Variants in WWOX observed in about 807,000 individuals in gnomAD.
WWOX encodes the protein WW domain-containing oxidoreductase.
Under a neutral mutation model 46.2 loss-of-function variants are expected in WWOX, and 69 were observed. The ratio of observed to expected loss-of-function variants is 1.49; its 90% CI spans 1.23 to 1.82. The LOEUF is 1.82. WWOX is among the 40% of genes most tolerant of loss of function. The probability of loss-of-function intolerance (pLI) is 0.00; values close to 1 mark genes in which losing one functional copy is unlikely to be tolerated. For synonymous variants in WWOX, 359 were observed against 202.6 expected (o/e 1.77, Z -6.56); for missense variants, 919 against 542.6 (o/e 1.69, Z -6.89).
intron 8 of WWOX, among the ~76,000 whole-genome samples, chr16:78,745,823 G>C (rs954224216): frequency 6.6e-6 from 1 of 151,634 alleles, no homozygotes; most frequent in Non-Finnish European, 1.5e-5. Context: ...TAGAGGGCTA[G>C]TTTACAGATA....
chr16:78,950,138 A>C (rs957681157), intron 8 of WWOX, among the ~76,000 whole-genome samples: 5 of 152,160 alleles, frequency 3.3e-5, no homozygotes, highest in African/African-American at 1.2e-4. Flanking sequence ...TTTTGGTTCA[A>C]AAAGAGAGTA....
chr16:79,168,454 C>G (rs1042789117), intron 8 of WWOX, among the ~76,000 whole-genome samples: 4 of 152,142 alleles, frequency 2.6e-5, no homozygotes, highest in African/African-American at 9.7e-5. Flanking sequence ...AATCAACCCC[C>G]AGGGACTTAC....
At chr16:78,312,211 T>G (rs13332536) in intron 5 of WWOX, among the ~76,000 whole-genome samples, 16,358 of 152,068 alleles carry the variant, frequency 0.11, 952 homozygotes, top group East Asian at 0.19. Flanking sequence ...TCTGCAACCT[T>G]AATTCATATA....
intron 8 of WWOX, among the ~76,000 whole-genome samples, chr16:78,648,659 C>G (rs1376021860): frequency 1.3e-5 from 2 of 152,162 alleles, no homozygotes; most frequent in Non-Finnish European, 2.9e-5. Flanking sequence ...TACAGGATGT[C>G]CTGGTCTAGG....
intron 4 of WWOX, among the ~76,000 whole-genome samples, chr16:78,121,087 C>T (rs940668738): frequency 2.6e-5 from 4 of 151,960 alleles, no homozygotes; most frequent in African/African-American, 9.7e-5. Flanking sequence ...GAGATCATTG[C>T]ACTTGGGATC....
At position 78,943,777 on chromosome 16, in the gene WWOX, A is replaced by C. The variant is rs564899426; in HGVS notation, c.1057-267831A>C. Among the ~76,000 whole-genome samples the C allele has an allele frequency of 1.0e-3, 154 of 152,200 alleles. 1 individual carries two copies. The highest frequency in any genetic ancestry group is 3.5e-3 in the African/African-American group (145 of 41,518). On this transcript the variant is annotated intron_variant, in intron 8 of 8. Coordinates refer to ENST00000566780, the MANE Select transcript of WWOX (RefSeq NM_016373.4). ...CCTGCAACTCCTTCTGGATCCCACAATTTGAAGGGGAAATCTTTCCCACCG... is the reference window on the plus strand; with the variant it reads ...CCTGCAACTCCTTCTGGATCCCACACTTTGAAGGGGAAATCTTTCCCACCG...
In WWOX at chr16:78,589,681, G is replaced by C. The variant is rs2045305373; in HGVS notation, c.1056+156929G>C. Among the ~76,000 whole-genome samples, 4 of 152,172 alleles carry C rather than the reference G, an allele frequency of 2.6e-5. No homozygotes were observed. The South Asian group carries it at 8.3e-4, about 32-fold the overall frequency. On this transcript the variant is annotated intron_variant, in intron 8 of 8. Coordinates refer to ENST00000566780, the MANE Select transcript of WWOX (RefSeq NM_016373.4). ...AATTGGGTGATAAAATACCTGGATT[G>C]CATCTAAAAATAAAGACTTGTGAAG...
intron 1 of WWOX, among the ~76,000 whole-genome samples, chr16:78,104,781 A>T (rs185717527): frequency 0.025 from 3,726 of 149,184 alleles, 58 homozygotes; most frequent in Middle Eastern, 0.041. Flanking sequence ...TATATTTATT[A>T]AAAAAAAGTC....
chr16:78,662,825 G>C (rs2047248831), intron 8 of WWOX, among the ~76,000 whole-genome samples: 1 of 152,062 alleles, frequency 6.6e-6, no homozygotes, highest in South Asian at 2.1e-4. Context: ...CAGCTTTTTG[G>C]CTGTTGGTTG....
chr16:78,942,365 C>G (rs150687652), intron 8 of WWOX, among the ~76,000 whole-genome samples: 157 of 152,092 alleles, frequency 1.0e-3, no homozygotes, highest in African/African-American at 3.5e-3. Context: ...CGCAGCCTAC[C>G]CCTTGCATAT....
intron 8 of WWOX, among the ~76,000 whole-genome samples, chr16:78,563,237 G>A (rs1218543326): frequency 6.6e-6 from 1 of 152,120 alleles, no homozygotes; most frequent in Non-Finnish European, 1.5e-5. Flanking sequence ...AAAACACTTT[G>A]ACAATACTTT....
At chr16:78,388,629 G>A (rs1438029581) in intron 6 of WWOX, among the ~76,000 whole-genome samples, 15 of 121,878 alleles carry the variant, frequency 1.2e-4, no homozygotes, top group African/African-American at 5.0e-4. Context: ...CCTGGCGACA[G>A]ATTGAGACTC....
intron 6 of WWOX, among the ~76,000 whole-genome samples, chr16:78,391,282 T>A (rs1038958784): frequency 6.6e-6 from 1 of 152,220 alleles, no homozygotes; most frequent in African/African-American, 2.4e-5. Flanking sequence ...TTGTTTGTTT[T>A]ATGCAAGGCA....
chr16:78,829,619 T>C (rs2051759996), intron 8 of WWOX, among the ~76,000 whole-genome samples: 1 of 152,126 alleles, frequency 6.6e-6, no homozygotes, highest in African/African-American at 2.4e-5. Flanking sequence ...ATATAGTCAA[T>C]CATCACACCT....
rs1597276358 is a variant in WWOX at position 79,013,095 on chromosome 16, G to A, written c.1057-198513G>A. On this transcript the variant is annotated intron_variant, in intron 8 of 8. Transcript: ENST00000566780. Reference sequence around the variant, plus strand: ...CAAAAAAAGGAAATGCTACCAGTGAGCAGGAAGTTGGTGGTCCTCCAGAAT... The same window carrying A: ...CAAAAAAAGGAAATGCTACCAGTGAACAGGAAGTTGGTGGTCCTCCAGAAT... Among the ~76,000 whole-genome samples the A allele has an allele frequency of 2.0e-5, 3 of 152,324 alleles. No homozygotes were observed. The East Asian group carries it at 5.8e-4, about 29-fold the overall frequency.
intron 5 of WWOX, among the ~76,000 whole-genome samples, chr16:78,192,981 C>A (rs1376310699): frequency 6.6e-6 from 1 of 152,222 alleles, no homozygotes; most frequent in Non-Finnish European, 1.5e-5. Flanking sequence ...TTGCTCATAA[C>A]ACATGTGGCT....
intron 8 of WWOX, among the ~76,000 whole-genome samples, chr16:78,627,472 A>G (rs2046336201): frequency 6.6e-6 from 1 of 152,246 alleles, no homozygotes; most frequent in African/African-American, 2.4e-5. Flanking sequence ...CAATCTTGAC[A>G]TTCTGTGATC....
At chr16:78,435,910 A>G (rs2083324412) in intron 8 of WWOX, among the ~76,000 whole-genome samples, 1 of 152,224 alleles carries the variant, frequency 6.6e-6, no homozygotes, top group Non-Finnish European at 1.5e-5. Context: ...TGCAGTTATT[A>G]TAATCTGGCT....
chr16:78,244,778 C>G (rs572635363), intron 5 of WWOX, among the ~76,000 whole-genome samples: 4 of 152,254 alleles, frequency 2.6e-5, no homozygotes, highest in South Asian at 2.1e-4. Context: ...ATGTACAGCC[C>G]TTATCCAGTG....
Sources: allele counts gnomAD v4.1 joint callset (sites outside exome capture counted in the v4.1 genomes callset), GRCh38; gene constraint gnomAD v4.1.1; transcripts MANE v1.5; gene names NCBI Gene and HGNC (gene_info 2026-07-23, HGNC 2026-07-21).